Variants in SFXN3 observed in about 807,000 individuals in gnomAD.
The protein encoded by SFXN3 is sideroflexin-3.
Under a neutral mutation model 40.4 loss-of-function variants are expected in SFXN3, and 31 were observed. The ratio of observed to expected loss-of-function variants is 0.77; its 90% CI spans 0.58 to 1.04. SFXN3 has a LOEUF of 1.04. Ranked by LOEUF, SFXN3 falls within the 50% of genes least tolerant of loss-of-function variation. The probability of loss-of-function intolerance (pLI) is 0.00; values close to 1 mark genes in which losing one functional copy is unlikely to be tolerated. For synonymous variants in SFXN3, 157 were observed against 160.0 expected (o/e 0.98, Z 0.14); for missense variants, 366 against 408.2 (o/e 0.90, Z 0.89).
chr10:101,038,138 G>C, intron 9 of SFXN3: 2 of 379,272 alleles, frequency 5.3e-6, no homozygotes, highest in Non-Finnish European at 7.6e-6. Context: ...AAATAACGCA[G>C]AGAAGAGTGT....
In SFXN3 at chr10:101,036,531, C is replaced by T; in HGVS notation, c.477C>T (p.Ala159=). 2.5e-6 allele frequency: 4 copies of T among 1,614,124 alleles called. No individual in the cohort carries two copies. The South Asian group carries it at 3.3e-5, about 13-fold the overall frequency. The change falls in exon 6 of 12, where the codon GCC becomes GCT. Residue 159 remains alanine (A), a synonymous_variant. Transcript: ENST00000393459. This position sits in a 1 kb window ranked among gnomAD's most constrained non-coding sequence, Gnocchi z 4.2. ...TGAGTGCCACCACTGGAGCTGTGGC[C>T]ACGGCCCTGGGACTCAAATCCCTCA...
chr10:101,035,711 A>G, intron 4 of SFXN3, 44 bp downstream of exon 4: 1 of 1,564,866 alleles, frequency 6.4e-7, no homozygotes, highest in Non-Finnish European at 8.7e-7. Flanking sequence ...CCTAAGCTAG[A>G]GCATAGCTTG....
rs1938621302 is a variant in SFXN3, at chr10:101,036,668, G to A, written c.508-55G>A. 1 of 1,606,938 alleles carries A rather than the reference G, an allele frequency of 6.2e-7. No individual in the cohort carries two copies. Among genetic ancestry groups the A allele is most frequent in the Non-Finnish European group, 8.5e-7 (1 of 1,174,458 alleles). ...TATATGCCCCCTATATCTCCCCAGAGTCCCTCACCACCCCATGGCCCTTAG... is the reference window on the plus strand; with the variant it reads ...TATATGCCCCCTATATCTCCCCAGAATCCCTCACCACCCCATGGCCCTTAG... On this transcript the variant is annotated intron_variant, in intron 6 of 11. Transcript: ENST00000393459. The surrounding 1 kb of genome is among the most constrained non-coding windows in gnomAD (Gnocchi z 4.2).
chr10:101,037,076 A>T, exon 8 of SFXN3: 1 of 1,613,684 alleles, frequency 6.2e-7, no homozygotes, highest in Non-Finnish European at 8.5e-7. Context: ...TCCCTTGCAG[A>T]GAGCTGCAGG....
Position 101,039,538 on chromosome 10 carries a change from G to C in SFXN3, c.919G>C (p.Glu307Gln). ...ACCAGAGCTGAGAGCTCAGATCCAT[G>C]AGCAAAACCCCAGCGTTGAAGTGGT... Residue 307 changes from glutamate to glutamine, a missense_variant, in exon 12 of 12, where the codon GAG becomes CAG. Coordinates refer to ENST00000393459, the Ensembl canonical transcript of SFXN3. This position sits in a 1 kb window ranked among gnomAD's most constrained non-coding sequence, Gnocchi z 4.6. 2 of 1,614,110 alleles carry C rather than the reference G, an allele frequency of 1.2e-6. No homozygotes were observed. Among genetic ancestry groups the C allele is most frequent in the Non-Finnish European group, 1.7e-6 (2 of 1,179,984 alleles).
At chr10:101,031,823 G>A (rs1938226642) in intron 1 of SFXN3, among the ~76,000 whole-genome samples, 1 of 152,092 alleles carries the variant, frequency 6.6e-6, no homozygotes, top group South Asian at 2.1e-4. Flanking sequence ...GGAGCTAGGG[G>A]TTACAGAGGG....
Position 101,036,033 on chromosome 10 carries a change from GGTGAAT to G in SFXN3, c.364_369del (p.Val122_Asn123del). 6.2e-7 allele frequency: 1 copy of G among 1,614,080 alleles called. No individual in the cohort carries two copies. Among genetic ancestry groups the G allele is most frequent in the South Asian group, 1.1e-5 (1 of 91,070 alleles). Reference sequence around the variant, plus strand: ...CCCCAACCGTGGTGTTCTGGCAGTGGGTGAATCAGTCCTTCAATGCCATTGTTAACT... The same window carrying G: ...CCCCAACCGTGGTGTTCTGGCAGTGGCAGTCCTTCAATGCCATTGTTAACT... On this transcript the variant is annotated inframe_deletion, in exon 5 of 12. Coordinates refer to ENST00000393459, the Ensembl canonical transcript of SFXN3. The surrounding 1 kb of genome is among the most constrained non-coding windows in gnomAD (Gnocchi z 4.2).
rs1298169864 is a variant in SFXN3, at chr10:101,039,968, T to A, written c.*383T>A. The A allele has an allele frequency of 9.4e-6, 2 of 212,374 alleles. No homozygotes were observed. Among genetic ancestry groups the A allele is most frequent in the African/African-American group, 4.5e-5 (2 of 44,614 alleles). 13.2% of individuals were successfully genotyped at this position (212,374 alleles called of 1,614,324 possible). A position where few individuals can be genotyped will look rare whatever the true frequency, so the allele number is the denominator to read the frequency against. ...AGCCAGGCTACAGGTGTGACTTCCT[T>A]CTCTAAACTGTTACACCAGCCAAGT... On this transcript the variant is annotated 3_prime_UTR_variant, in exon 12 of 12. Transcript: ENST00000393459. The surrounding 1 kb of genome is among the most constrained non-coding windows in gnomAD (Gnocchi z 4.6).
chr10:101,035,764 A>T (rs1938567228), intron 4 of SFXN3, 97 bp downstream of exon 4: 1 of 1,479,690 alleles, frequency 6.8e-7, no homozygotes, highest in African/African-American at 1.4e-5. Flanking sequence ...TGAGTGAAAG[A>T]TTGTGTCAGA....
rs1262168794 is a variant in SFXN3, at chr10:101,039,891, G to A, written c.*306G>A. 12 of 342,792 alleles carry A rather than the reference G, an allele frequency of 3.5e-5. No homozygotes were observed. Among genetic ancestry groups the A allele is most frequent in the Non-Finnish European group, 4.9e-5 (9 of 183,532 alleles). The allele number at this position is 342,792 out of a possible 1,614,324, so 21.2% of individuals were successfully genotyped here. The stretch of plus-strand genomic sequence containing the variant: ...AGCTAGAAGCAGGCATGCTAGCCTA[G>A]TATGTTCTGACATCTGGCTTCCCTT... On this transcript the variant is annotated 3_prime_UTR_variant, in exon 12 of 12. Transcript: ENST00000393459. This position sits in a 1 kb window ranked among gnomAD's most constrained non-coding sequence, Gnocchi z 4.6.
At chr10:101,031,853 G>A (rs1284162348) in intron 1 of SFXN3, among the ~76,000 whole-genome samples, 2 of 152,114 alleles carry the variant, frequency 1.3e-5, no homozygotes, top group Non-Finnish European at 2.9e-5. Context: ...AGAGGGCTGG[G>A]GACATAGAAG....
In SFXN3 at chr10:101,035,601, T is replaced by C. The variant is rs551618449; in HGVS notation, c.266T>C (p.Ile89Thr). 2.8e-5 allele frequency: 46 copies of C among 1,614,154 alleles called. No homozygotes were observed. The East Asian group carries it at 8.7e-4, about 30-fold the overall frequency. ...GACACAGGGGAGAAGGTGGTCCTGA[T>C]TGGCCGCATGTCAGCCCAGGTGCCC... Residue 89 changes from isoleucine to threonine, a missense_variant, in exon 4 of 12, where the codon ATT becomes ACT. Coordinates refer to ENST00000393459, the Ensembl canonical transcript of SFXN3.
chr10:101,034,800 C>G (rs1482879782), exon 3 of SFXN3: 1 of 1,614,222 alleles, frequency 6.2e-7, no homozygotes, highest in South Asian at 1.1e-5. Flanking sequence ...TCCTCGAAAT[C>G]TGCTGCTGTC....
Position 101,034,689 on chromosome 10 carries a change from C to A in SFXN3, c.-3-3C>A. 1.2e-6 allele frequency: 2 copies of A among 1,613,820 alleles called. No individual in the cohort carries two copies. Among genetic ancestry groups the A allele is most frequent in the South Asian group, 2.2e-5 (2 of 91,046 alleles). On this transcript the variant is annotated splice_polypyrimidine_tract_variant and splice_region_variant and intron_variant, in intron 2 of 11. Transcript: ENST00000393459. ...CGCTCTGACCCTTATCTCTGTCCTGCAGAAAATGGGTGAATTGCCTTTAGA... is the reference window on the plus strand; with the variant it reads ...CGCTCTGACCCTTATCTCTGTCCTGAAGAAAATGGGTGAATTGCCTTTAGA...
At chr10:101,034,072 G>A (rs1340345644) in intron 2 of SFXN3, among the ~76,000 whole-genome samples, 1 of 151,930 alleles carries the variant, frequency 6.6e-6, no homozygotes, top group Non-Finnish European at 1.5e-5. Context: ...AACTGCAAGA[G>A]GCTTTCCTCT....
chr10:101,034,900 C>T (rs1406967357), intron 3 of SFXN3, 45 bp downstream of exon 3: 2 of 1,593,352 alleles, frequency 1.3e-6, no homozygotes, highest in Non-Finnish European at 1.7e-6. Flanking sequence ...ATCTCATTTT[C>T]TGTGATTAAT....
In SFXN3 at chr10:101,036,454, C is replaced by T. The variant is rs755143914; in HGVS notation, c.432-32C>T. On this transcript the variant is annotated intron_variant, in intron 5 of 11. Transcript: ENST00000393459. The surrounding 1 kb of genome is among the most constrained non-coding windows in gnomAD (Gnocchi z 4.2). The stretch of plus-strand genomic sequence containing the variant: ...AAGGGCCACCTGCTGGACTTGTCAC[C>T]TCTCCCCGTGACCTGGCTTTTCCAC... 12 of 1,610,784 alleles carry T rather than the reference C, an allele frequency of 7.4e-6. No homozygotes were observed. In the African/African-American group the frequency reaches 1.2e-4, roughly 16 times the overall value.
exon 8 of SFXN3, chr10:101,037,191 A>G: frequency 2.5e-6 from 4 of 1,613,952 alleles, no homozygotes. Context: ...CTGCATGGCG[A>G]TTCCTGCCAT....
chr10:101,039,485 G>A lies in SFXN3; in HGVS notation c.870-4G>A, dbSNP rs200823331. On this transcript the variant is annotated splice_region_variant and splice_polypyrimidine_tract_variant and intron_variant, in intron 11 of 11. Transcript: ENST00000393459. This position sits in a 1 kb window ranked among gnomAD's most constrained non-coding sequence, Gnocchi z 4.6. ...GTTAACTGGCCTGTGCTGTTCTATT[G>A]CAGCTCCATACACATAAGCAACCTG... 50 of 1,613,746 alleles carry A rather than the reference G, an allele frequency of 3.1e-5. No homozygotes were observed. Among genetic ancestry groups the A allele is most frequent in the Non-Finnish European group, 4.2e-5 (50 of 1,179,770 alleles).
Sources: allele counts gnomAD v4.1 joint callset (sites outside exome capture counted in the v4.1 genomes callset), GRCh38; gene constraint gnomAD v4.1.1; non-coding constraint Gnocchi (gnomAD v3.1); transcripts MANE v1.5; gene names NCBI Gene and HGNC (gene_info 2026-07-23, HGNC 2026-07-21).